Variants in DNAH6 observed in about 807,000 individuals in gnomAD.
The protein encoded by DNAH6 is dynein axonemal heavy chain 6.
DNAH6 carries 340 observed loss-of-function variants against 491.4 expected under a neutral mutation model. The observed-to-expected ratio is 0.69, with a 90% confidence interval of 0.63 to 0.76. DNAH6 has a LOEUF of 0.76. DNAH6 is among the 30% of genes least tolerant of loss of function. The probability of loss-of-function intolerance (pLI) is 0.00; values close to 1 mark genes in which losing one functional copy is unlikely to be tolerated. For synonymous variants in DNAH6, 1,603 were observed against 1,686.1 expected (o/e 0.95, Z 1.21); for missense variants, 4,443 against 4,972.2 (o/e 0.89, Z 3.20).
chr2:84,740,590 TC>T (rs977994977), intron 62 of DNAH6, among the ~76,000 whole-genome samples: 10 of 152,238 alleles, frequency 6.6e-5, no homozygotes, highest in African/African-American at 2.2e-4. Flanking sequence ...GGCTGCACTC[TC>T]CCCTCCTTTA....
intron 61 of DNAH6, among the ~76,000 whole-genome samples, chr2:84,730,523 A>T (rs1699035360): frequency 6.6e-6 from 1 of 152,134 alleles, no homozygotes; most frequent in Non-Finnish European, 1.5e-5. Context: ...CACTCAAAAT[A>T]CACTAACACT....
At chr2:84,592,894 G>A (rs565065865) in intron 16 of DNAH6, among the ~76,000 whole-genome samples, 1 of 152,178 alleles carries the variant, frequency 6.6e-6, no homozygotes, top group South Asian at 2.1e-4. Flanking sequence ...ACTCATATAA[G>A]CAGAAAGTGG....
intron 60 of DNAH6, among the ~76,000 whole-genome samples, 186 bp from the exon 61 acceptor site, chr2:84,727,483 A>G (rs1341344798): frequency 6.6e-6 from 1 of 152,178 alleles, no homozygotes; most frequent in African/African-American, 2.4e-5. Flanking sequence ...TAATTCAAAG[A>G]CCTGCTGTGC....
chr2:84,603,160 T>TGC (rs1685427061), intron 18 of DNAH6, among the ~76,000 whole-genome samples: 1 of 152,120 alleles, frequency 6.6e-6, no homozygotes, highest in Non-Finnish European at 1.5e-5. Context: ...CATCTTAATT[T>TGC]TTTGTTCAAA....
chr2:84,511,235 C>G, the DNAH6 span, among the ~76,000 whole-genome samples: 1 of 152,208 alleles, frequency 6.6e-6, no homozygotes, highest in Non-Finnish European at 1.5e-5. Context: ...TTCGAGCTTC[C>G]TGGCTGCTTT....
In DNAH6 at chr2:84,697,577, T is replaced by G. The variant is rs747574067; in HGVS notation, c.7527T>G (p.Ile2509Met). ...NMVFLFTDTQ[I>M]VVEEFLEDIN... ...ATGATCACTGCTTTCTTCTACAGAT[T>G]GTAGTGGAGGAGTTCCTAGAAGATA... Residue 2509 changes from isoleucine to methionine, a missense_variant and splice_region_variant, in exon 47 of 77, where the codon ATT becomes ATG. Ile to Met is a conservative substitution (Grantham distance 10). This residue lies in a region of DNAH6 where 2,977 missense variants were observed against 3,296.6 expected (regional missense o/e 0.90). Transcript: ENST00000389394. The G allele has an allele frequency of 2.3e-5, 35 of 1,550,472 alleles. No homozygotes were observed. The Admixed American group carries it at 4.7e-4, about 21-fold the overall frequency.
At chr2:84,581,803 A>G (rs1683060272) in intron 14 of DNAH6, among the ~76,000 whole-genome samples, 1 of 152,258 alleles carries the variant, frequency 6.6e-6, no homozygotes, top group African/African-American at 2.4e-5. Context: ...TAGAATTGAA[A>G]GGACTTAATG....
At chr2:84,667,074 T>TA (rs1327818344) in intron 37 of DNAH6, among the ~76,000 whole-genome samples, 1 of 152,192 alleles carries the variant, frequency 6.6e-6, no homozygotes, top group Non-Finnish European at 1.5e-5. Context: ...ATCCCTTCCT[T>TA]ACACCTTATA....
At chr2:84,635,458 C>T (rs1402038908) in intron 30 of DNAH6, among the ~76,000 whole-genome samples, 1 of 152,168 alleles carries the variant, frequency 6.6e-6, no homozygotes, top group Non-Finnish European at 1.5e-5. Flanking sequence ...TCTGTACTCC[C>T]TCTTGTTCCC....
intron 14 of DNAH6, among the ~76,000 whole-genome samples, chr2:84,582,848 C>T (rs752684445): frequency 7.2e-5 from 11 of 152,196 alleles, no homozygotes; most frequent in Non-Finnish European, 1.2e-4. Flanking sequence ...GTTATCTTCT[C>T]GTGTTAATGA....
chr2:84,669,245 T>C (rs1157812108), intron 37 of DNAH6, 44 bp from the exon 38 acceptor site: 3 of 1,403,226 alleles, frequency 2.1e-6, no homozygotes, highest in African/African-American at 2.9e-5. Context: ...TGTGTCAATA[T>C]TGCTTATTCC....
At chr2:84,546,871 C>A (rs1457669900) in intron 5 of DNAH6, among the ~76,000 whole-genome samples, 2 of 152,258 alleles carry the variant, frequency 1.3e-5, no homozygotes, top group East Asian at 3.9e-4. Context: ...TTAAATTTGG[C>A]TTTCTTCTGT....
chr2:84,686,340 G>A (rs535717501), intron 43 of DNAH6, 144 bp from the exon 44 acceptor site: 1 of 556,900 alleles, frequency 1.8e-6, no homozygotes, highest in African/African-American at 1.9e-5. Flanking sequence ...GCGGCATGGA[G>A]TTAACACAGT....
the DNAH6 span, among the ~76,000 whole-genome samples, chr2:84,478,641 C>A: frequency 6.6e-6 from 1 of 152,106 alleles, no homozygotes; most frequent in Non-Finnish European, 1.5e-5. Context: ...AAGTTGAATA[C>A]CCTGTGTGCA....
chr2:84,656,970 G>T (rs1034961853), intron 35 of DNAH6, among the ~76,000 whole-genome samples: 3 of 151,828 alleles, frequency 2.0e-5, no homozygotes, highest in Admixed American at 1.3e-4. Context: ...TATATTTTTT[G>T]CTTTACATTT....
chr2:84,727,784 T>C lies in DNAH6; in HGVS notation c.10088T>C (p.Phe3363Ser). The C allele has an allele frequency of 2.6e-6, 4 of 1,551,704 alleles. No homozygotes were observed. Among genetic ancestry groups the C allele is most frequent in the South Asian group, 1.2e-5 (1 of 84,054 alleles). Residue 3363 changes from phenylalanine (F) to serine (S), a missense_variant, in exon 61 of 77, where the codon TTT (phenylalanine) becomes TCT (serine). Phe to Ser is a radical substitution (Grantham distance 155, BLOSUM62 -2). Coordinates refer to ENST00000389394, the MANE Select transcript of DNAH6 (RefSeq NM_001370.2). ...TATGTCAATGTTTCAAGAGGACTTTTTGAGCAACATAAACTCATCTACAGC... is the reference window on the plus strand; with the variant it reads ...TATGTCAATGTTTCAAGAGGACTTTCTGAGCAACATAAACTCATCTACAGC... ...TAYVNVSRGLFEQHKLIYSFM... is the reference protein window; with the variant it reads ...TAYVNVSRGLSEQHKLIYSFM...
chr2:84,739,552 T>G (rs1344131788), intron 62 of DNAH6, among the ~76,000 whole-genome samples: 1 of 152,240 alleles, frequency 6.6e-6, no homozygotes, highest in Non-Finnish European at 1.5e-5. Context: ...TTTTTTAAAT[T>G]CTTTTTTACT....
At chr2:84,809,016 G>T (rs745897424) in intron 72 of DNAH6, among the ~76,000 whole-genome samples, 23 of 152,338 alleles carry the variant, frequency 1.5e-4, no homozygotes, top group Non-Finnish European at 3.1e-4. Flanking sequence ...TACTGAGTTA[G>T]AATTTCTTGA....
In DNAH6 at chr2:84,573,494, G is replaced by A; in HGVS notation, c.1831G>A (p.Ala611Thr). ...KETIQAAFES[A>T]RIYAATFEKF... The stretch of plus-strand genomic sequence containing the variant: ...AACCATTCAGGCCGCATTTGAATCA[G>A]CCCGCATCTATGCAGCTACCTTTGA... The change falls in exon 12 of 77, where the codon GCC becomes ACC. Residue 611 changes from alanine to threonine, a missense_variant. Ala to Thr is a moderately conservative substitution (Grantham distance 58). This residue lies in a region of DNAH6 where 2,977 missense variants were observed against 3,296.6 expected (regional missense o/e 0.90). Transcript: ENST00000389394. The A allele has an allele frequency of 6.3e-7, 1 of 1,590,250 alleles. No individual in the cohort carries two copies. Among genetic ancestry groups the A allele is most frequent in the Non-Finnish European group, 8.5e-7 (1 of 1,172,574 alleles).
Sources: gnomAD v4.1 joint callset for allele counts (sites outside exome capture counted in the v4.1 genomes callset) on GRCh38, gnomAD v4.1.1 for gene constraint, gnomAD v4.1.1 regional missense constraint, MANE v1.5 for transcripts, NCBI Gene and HGNC (gene_info 2026-07-23, HGNC 2026-07-21) for gene names.